The following UTRN variants were observed in gnomAD, a reference collection of about 807,000 sequenced individuals.
UTRN encodes the protein dystrophin-related protein 1.
In UTRN, 283 loss-of-function variants were observed where a neutral mutation model predicts 463.9. That is an observed-to-expected ratio of 0.61 (90% CI 0.55 to 0.67). The LOEUF (loss-of-function observed/expected upper bound fraction) is 0.67. Ranked by LOEUF, UTRN falls within the 30% of genes least tolerant of loss-of-function variation. The probability of loss-of-function intolerance (pLI) is 0.00; values close to 1 mark genes in which losing one functional copy is unlikely to be tolerated. For synonymous variants in UTRN, 1,442 were observed against 1,431.5 expected (o/e 1.01, Z -0.17); for missense variants, 3,922 against 4,084.3 (o/e 0.96, Z 1.08).
At chr6:144,723,612 A>G (rs1787461795) in intron 53 of UTRN, among the ~76,000 whole-genome samples, 1 of 152,190 alleles carries the variant, frequency 6.6e-6, no homozygotes, top group Non-Finnish European at 1.5e-5. Context: ...GTGCTCTAGA[A>G]ACACTGAGGT....
Position 144,423,620 on chromosome 6 carries a change from G to A in UTRN, c.306G>A (p.Gln102=), listed in dbSNP as rs1785043304. The A allele has an allele frequency of 6.2e-7, 1 of 1,614,204 alleles. No individual in the cohort carries two copies. The highest frequency in any genetic ancestry group is 8.5e-7 in the Non-Finnish European group (1 of 1,180,030). The change falls in exon 5 of 75, where the codon CAG becomes CAA. Residue 102 remains glutamine (Q), a synonymous_variant. Transcript: ENST00000367545. ...NVNRVLQVLH[Q]NNVELVNIGG... ...ACAGAGTGCTGCAGGTTTTACATCA[G>A]AACAATGTAAGTGTGTAATGTGAGT...
At chr6:144,684,193 G>T (rs1185673646) in intron 52 of UTRN, among the ~76,000 whole-genome samples, 8 of 151,990 alleles carry the variant, frequency 5.3e-5, no homozygotes, top group Non-Finnish European at 1.0e-4. Context: ...GGGATTACAG[G>T]TGGCTGCCAC....
intron 32 of UTRN, among the ~76,000 whole-genome samples, chr6:144,491,621 G>C (rs1793083222): frequency 6.6e-6 from 1 of 152,118 alleles, no homozygotes; most frequent in Non-Finnish European, 1.5e-5. Flanking sequence ...AAAATAATGT[G>C]GCTAAGGGGA....
chr6:144,674,053 C>T (rs1286432863), intron 51 of UTRN, among the ~76,000 whole-genome samples: 3 of 152,126 alleles, frequency 2.0e-5, no homozygotes, highest in Non-Finnish European at 1.5e-5. Context: ...TTACCTGATG[C>T]TTTTGCCTCA....
At chr6:144,719,840 T>G (rs1786915760) in intron 53 of UTRN, among the ~76,000 whole-genome samples, 1 of 152,218 alleles carries the variant, frequency 6.6e-6, no homozygotes, top group Non-Finnish European at 1.5e-5. Flanking sequence ...TCATTTTAAT[T>G]TTGTAATTTA....
chr6:144,602,551 T>C (rs1253216700), intron 51 of UTRN, among the ~76,000 whole-genome samples: 2 of 152,184 alleles, frequency 1.3e-5, no homozygotes, highest in Non-Finnish European at 2.9e-5. Flanking sequence ...GACTAGTAAA[T>C]ACAAGTGAGA....
chr6:144,539,443 G>A lies in UTRN; in HGVS notation c.6519G>A (p.Lys2173=), dbSNP rs780282306. The A allele has an allele frequency of 1.8e-5, 29 of 1,590,832 alleles. No homozygotes were observed. Among genetic ancestry groups the A allele is most frequent in the Non-Finnish European group, 2.5e-5 (29 of 1,169,068 alleles). Residue 2173 remains lysine, a splice_region_variant and synonymous_variant, in exon 45 of 75, where the codon AAG becomes AAA. Transcript: ENST00000367545. The stretch of plus-strand genomic sequence containing the variant: ...GGACTGTAAATATGACATGGAATAA[G>A]GTGTGTGTAAAGTTACTATCACACA... ...SLRTVNMTWN[K]ICREVPTTLK... is the part of the protein sequence containing the mutation.
intron 51 of UTRN, among the ~76,000 whole-genome samples, chr6:144,594,895 A>G (rs1310837745): frequency 6.6e-6 from 1 of 152,208 alleles, no homozygotes; most frequent in Non-Finnish European, 1.5e-5. Context: ...ATGGAAATAT[A>G]ATTCTAATTC....
In UTRN at chr6:144,827,686, T is replaced by A. The variant is rs1433402056; in HGVS notation, c.9599+10T>A. On this transcript the variant is annotated intron_variant, in intron 68 of 74. Transcript: ENST00000367545. ...AACAATATGCCACACGGTAAGAAAC[T>A]TTGATCAGAGCCCTCCACTGCACTG... 6.2e-7 allele frequency: 1 copy of A among 1,613,314 alleles called. No homozygotes were observed. Among genetic ancestry groups the A allele is most frequent in the African/African-American group, 1.3e-5 (1 of 74,994 alleles).
intron 34 of UTRN, among the ~76,000 whole-genome samples, chr6:144,502,701 T>C (rs1214143595): frequency 6.6e-6 from 1 of 152,240 alleles, no homozygotes; most frequent in African/African-American, 2.4e-5. Context: ...CTATTGTGAA[T>C]AGTGCTGCAA....
At chr6:144,602,231 A>G (rs1804325898) in intron 51 of UTRN, among the ~76,000 whole-genome samples, 1 of 152,002 alleles carries the variant, frequency 6.6e-6, no homozygotes, top group Non-Finnish European at 1.5e-5. Context: ...TCCCAGGTTC[A>G]AGCAATTCTC....
At position 144,773,275 on chromosome 6, in the gene UTRN, T is replaced by C. The variant is rs79619078; in HGVS notation, c.8558-1015T>C. 1.4e-3 allele frequency among the ~76,000 whole-genome samples: 214 copies of C among 152,220 alleles called. 1 individual carries two copies. Among genetic ancestry groups the C allele is most frequent in the African/African-American group, 4.9e-3 (204 of 41,544 alleles). On this transcript the variant is annotated intron_variant, in intron 59 of 74. Transcript: ENST00000367545. ...ATAGAAATAAGATGAGCTCCATGAATAGTGAACTGGACAGTGTGGTTGGAA... is the reference window on the plus strand; with the variant it reads ...ATAGAAATAAGATGAGCTCCATGAACAGTGAACTGGACAGTGTGGTTGGAA...
At chr6:144,703,604 G>A (rs1784802841) in intron 53 of UTRN, among the ~76,000 whole-genome samples, 1 of 152,192 alleles carries the variant, frequency 6.6e-6, no homozygotes, top group Admixed American at 6.5e-5. Flanking sequence ...CAGAGTCCAG[G>A]ATGCCAAAGG....
intron 51 of UTRN, chr6:144,583,426 G>A (rs1031482856): frequency 4.7e-6 from 3 of 643,842 alleles, no homozygotes; most frequent in Non-Finnish European, 5.8e-6. Context: ...TCCAGTGACC[G>A]GGAGGAAATG....
chr6:144,414,989 C>T (rs1784248453), intron 3 of UTRN, among the ~76,000 whole-genome samples: 3 of 152,248 alleles, frequency 2.0e-5, no homozygotes, highest in Admixed American at 6.5e-5. Flanking sequence ...GCTGGGATTA[C>T]AGGCATGAGC....
At chr6:144,683,388 C>T (rs556649565) in intron 52 of UTRN, among the ~76,000 whole-genome samples, 11 of 152,148 alleles carry the variant, frequency 7.2e-5, no homozygotes, top group African/African-American at 2.6e-4. Flanking sequence ...GGAGAAGAGA[C>T]CAGAGTGTGC....
At chr6:144,413,070 A>G (rs1292845451) in intron 3 of UTRN, among the ~76,000 whole-genome samples, 1 of 152,134 alleles carries the variant, frequency 6.6e-6, no homozygotes, top group African/African-American at 2.4e-5. Flanking sequence ...TTCTTTGTAC[A>G]ATTTTGGCAG....
At chr6:144,579,850 T>C (rs993788540) in intron 51 of UTRN, among the ~76,000 whole-genome samples, 3 of 152,198 alleles carry the variant, frequency 2.0e-5, no homozygotes, top group African/African-American at 7.2e-5. Flanking sequence ...AAGATAAATA[T>C]GTACATTTAT....
At chr6:144,596,071 G>C (rs1193045409) in intron 51 of UTRN, among the ~76,000 whole-genome samples, 1 of 152,210 alleles carries the variant, frequency 6.6e-6, no homozygotes, top group Non-Finnish European at 1.5e-5. Context: ...CAGTAAGCTT[G>C]ATAGGAAGCT....
Sources: gnomAD v4.1 joint callset for allele counts (sites outside exome capture counted in the v4.1 genomes callset) on GRCh38, gnomAD v4.1.1 for gene constraint, MANE v1.5 for transcripts, NCBI Gene and HGNC (gene_info 2026-07-23, HGNC 2026-07-21) for gene names.